The following ZFHX3 variants were observed in gnomAD, a reference collection of about 807,000 sequenced individuals.
ZFHX3 encodes the protein zinc finger homeobox 3.
In ZFHX3, 42 loss-of-function variants were observed where a neutral mutation model predicts 279.1. That is an observed-to-expected ratio of 0.15 (90% CI 0.12 to 0.19). The LOEUF is 0.19. Ranked by LOEUF, ZFHX3 falls within the 10% of genes least tolerant of loss-of-function variation. ZFHX3 has a pLI of 1.00. For synonymous variants in ZFHX3, 2,293 were observed against 1,957.8 expected, an observed-to-expected ratio of 1.17 and a Z score of -4.52; for missense variants, 4,981 against 4,754.0, an observed-to-expected ratio of 1.05 and a Z score of -1.40.
At chr16:73,068,085 A>C (rs897702362) in intron 8 of ZFHX3, among the ~76,000 whole-genome samples, 1 of 152,110 alleles carries the variant, frequency 6.6e-6, no homozygotes, top group South Asian at 2.1e-4. Flanking sequence ...TTTCCAAATA[A>C]TTGCATTCAG....
intron 5 of ZFHX3, among the ~76,000 whole-genome samples, chr16:73,178,001 T>TG (rs1369181718): frequency 2.6e-5 from 4 of 152,168 alleles, no homozygotes; most frequent in Non-Finnish European, 5.9e-5. Flanking sequence ...TCTGCAGGCA[T>TG]CAGGGAATCC....
At chr16:73,781,751 G>A (rs1959479498) in intron 1 of ZFHX3, among the ~76,000 whole-genome samples, 1 of 152,172 alleles carries the variant, frequency 6.6e-6, no homozygotes, top group Non-Finnish European at 1.5e-5. Flanking sequence ...CATTTTGGGA[G>A]GCCAAGGTGG....
At chr16:73,589,955 A>G (rs2051977186) in intron 2 of ZFHX3, among the ~76,000 whole-genome samples, 1 of 152,126 alleles carries the variant, frequency 6.6e-6, no homozygotes, top group Non-Finnish European at 1.5e-5. Flanking sequence ...AAACAAGTTG[A>G]CAGTACATCT....
chr16:72,786,964 A>T lies in ZFHX3; in HGVS notation c.*200T>A. On this transcript the variant is annotated 3_prime_UTR_variant, in exon 10 of 10. Transcript: ENST00000268489. ...TTTTTTTTTTTAATATTAAAAGAAAAGAAAAAGACAAGAATGTAAAATCAC... is the reference window on the plus strand; with the variant it reads ...TTTTTTTTTTTAATATTAAAAGAAATGAAAAAGACAAGAATGTAAAATCAC... 2.4e-6 allele frequency: 1 copy of T among 412,514 alleles called. No individual in the cohort carries two copies. The highest frequency in any genetic ancestry group is 4.8e-5 in the Admixed American group (1 of 20,638). The allele number at this position is 412,514 out of a possible 1,614,324, so 25.6% of individuals were successfully genotyped here. A position where few individuals can be genotyped will look rare whatever the true frequency, so the allele number is the denominator to read the frequency against.
chr16:73,681,887 T>C (rs1409503390), intron 1 of ZFHX3, among the ~76,000 whole-genome samples: 1 of 152,240 alleles, frequency 6.6e-6, no homozygotes, highest in Admixed American at 6.5e-5. Flanking sequence ...ACTTCCTCTA[T>C]TTGTAATCAT....
intron 1 of ZFHX3, among the ~76,000 whole-genome samples, chr16:73,734,831 AC>A (rs1244412574): frequency 6.6e-6 from 1 of 152,240 alleles, no homozygotes; most frequent in African/African-American, 2.4e-5. Flanking sequence ...GTGAATATGT[AC>A]AAAGAATAAT....
intron 1 of ZFHX3, among the ~76,000 whole-genome samples, chr16:73,810,158 C>T (rs1960389061): frequency 6.6e-6 from 1 of 152,178 alleles, no homozygotes. Flanking sequence ...ACCCCGCCAC[C>T]TCCACTTCCA....
intron 5 of ZFHX3, among the ~76,000 whole-genome samples, chr16:73,249,824 TCACACACA>T (rs143652574): frequency 0.014 from 2,118 of 148,770 alleles, 48 homozygotes; most frequent in African/African-American, 0.05. Context: ...AACAGGCACT[TCACACACA>T]CACACACACA....
intron 3 of ZFHX3, among the ~76,000 whole-genome samples, chr16:73,332,110 G>T (rs2015816610): frequency 1.3e-5 from 2 of 152,108 alleles, no homozygotes; most frequent in South Asian, 2.1e-4. Flanking sequence ...TCTTTTTCAA[G>T]GTTCCTTCTC....
At chr16:73,148,009 T>C (rs923944449) in intron 5 of ZFHX3, among the ~76,000 whole-genome samples, 3 of 152,262 alleles carry the variant, frequency 2.0e-5, no homozygotes, top group Non-Finnish European at 4.4e-5. Flanking sequence ...CAAACTCTAC[T>C]TGACCACAGG....
At chr16:73,302,044 T>C (rs1360486158) in intron 4 of ZFHX3, among the ~76,000 whole-genome samples, 2 of 151,884 alleles carry the variant, frequency 1.3e-5, no homozygotes, top group Non-Finnish European at 1.5e-5. Context: ...CCAGGTAGTG[T>C]TGACCAGGAA....
chr16:73,149,898 G>A (rs1370214073), intron 5 of ZFHX3, among the ~76,000 whole-genome samples: 1 of 152,162 alleles, frequency 6.6e-6, no homozygotes, highest in African/African-American at 2.4e-5. Context: ...TAGTCAGACC[G>A]CTTTGGAGGC....
chr16:73,641,813 T>C (rs1443051464), intron 2 of ZFHX3, among the ~76,000 whole-genome samples: 1 of 152,190 alleles, frequency 6.6e-6, no homozygotes, highest in Non-Finnish European at 1.5e-5. Context: ...ATAAGCCTTT[T>C]AGTATTACTT....
chr16:73,529,104 C>T (rs529870680), intron 2 of ZFHX3, among the ~76,000 whole-genome samples: 7 of 152,278 alleles, frequency 4.6e-5, no homozygotes, highest in Admixed American at 2.6e-4. Flanking sequence ...TAGAGGTGGG[C>T]AGTTTTTCCT....
intron 9 of ZFHX3, chr16:72,791,614 T>C (rs1308687694): frequency 6.6e-6 from 1 of 152,206 alleles, no homozygotes; most frequent in Non-Finnish European, 1.5e-5. Flanking sequence ...AAATCATACA[T>C]TCTGATTCTA....
intron 5 of ZFHX3, among the ~76,000 whole-genome samples, chr16:73,152,776 AG>A (rs1388279331): frequency 1.6e-5 from 2 of 127,548 alleles, no homozygotes; most frequent in Non-Finnish European, 3.3e-5. Flanking sequence ...AAAAAAAAAA[AG>A]CCCTGGCCTG....
chr16:73,728,812 T>TACACAC (rs3049676), intron 1 of ZFHX3, among the ~76,000 whole-genome samples: 155 of 146,148 alleles, frequency 1.1e-3, no homozygotes, highest in African/African-American at 2.8e-3. Context: ...AATAACCCCC[T>TACACAC]ACACACACAC....
chr16:72,895,863 G>A (rs2038886794), intron 3 of ZFHX3, among the ~76,000 whole-genome samples: 1 of 151,568 alleles, frequency 6.6e-6, no homozygotes. Context: ...AAACAGATAG[G>A]TAGATTAGAC....
chr16:72,911,505 A>G (rs1174951519), intron 3 of ZFHX3, among the ~76,000 whole-genome samples: 1 of 152,148 alleles, frequency 6.6e-6, no homozygotes, highest in African/African-American at 2.4e-5. Flanking sequence ...TGGCGAAATC[A>G]GTTTACCTTC....
Sources: allele counts gnomAD v4.1 joint callset (sites outside exome capture counted in the v4.1 genomes callset), GRCh38; gene constraint gnomAD v4.1.1; transcripts MANE v1.5; gene names NCBI Gene and HGNC (gene_info 2026-07-23, HGNC 2026-07-21).